Variants in GMDS observed in about 807,000 individuals in gnomAD.
GMDS encodes the protein GDP-mannose 4,6-dehydratase.
Under a neutral mutation model 49.9 loss-of-function variants are expected in GMDS, and 20 were observed. The ratio of observed to expected loss-of-function variants is 0.40; its 90% CI spans 0.28 to 0.58. The LOEUF (loss-of-function observed/expected upper bound fraction) is 0.58, where lower values mean the gene tolerates loss of function less well. Among genes scored for constraint, GMDS ranks in the 20% least tolerant of loss-of-function variants. The pLI is 0.42. For missense variants in GMDS, 362 were observed against 481.4 expected (o/e 0.75, Z 2.32); for synonymous variants, 177 against 178.6 (o/e 0.99, Z 0.07).
chr6:2,242,869 A>C (rs1256931623), intron 1 of GMDS, among the ~76,000 whole-genome samples: 2 of 152,250 alleles, frequency 1.3e-5, no homozygotes, highest in African/African-American at 4.8e-5. Context: ...CAATATTATT[A>C]AGAAAACATA....
intron 1 of GMDS, among the ~76,000 whole-genome samples, chr6:2,180,791 C>T (rs1160308309): frequency 6.6e-6 from 1 of 152,086 alleles, no homozygotes; most frequent in African/African-American, 2.4e-5. Context: ...TGTTTTTAAA[C>T]TGTTAGAACC....
In GMDS at chr6:1,672,999, C is replaced by G. The variant is rs564130176; in HGVS notation, c.988-48459G>C. On this transcript the variant is annotated intron_variant, in intron 9 of 10. Transcript: ENST00000380815. ...CAGCGAGGATTGGGAATTGCGAAGT[C>G]TATACTGTATTTTCAAACAGCATGA... 2.0e-5 allele frequency among the ~76,000 whole-genome samples: 3 copies of G among 152,328 alleles called. No homozygotes were observed. In the South Asian group the frequency reaches 6.2e-4, roughly 32 times the overall value.
At chr6:2,169,025 A>G (rs115918795) in intron 1 of GMDS, among the ~76,000 whole-genome samples, 1 of 152,360 alleles carries the variant, frequency 6.6e-6, no homozygotes, top group African/African-American at 2.4e-5. Flanking sequence ...GAATAAAGAT[A>G]CTAGGATTCA....
chr6:1,943,368 C>T (rs1348170210), intron 6 of GMDS, among the ~76,000 whole-genome samples: 1 of 152,196 alleles, frequency 6.6e-6, no homozygotes, highest in Non-Finnish European at 1.5e-5. Flanking sequence ...TCATTACACT[C>T]CACTGCAATC....
chr6:1,681,119 TAC>T (rs1311302357), intron 9 of GMDS, among the ~76,000 whole-genome samples: 5 of 151,224 alleles, frequency 3.3e-5, no homozygotes, highest in Non-Finnish European at 7.4e-5. Flanking sequence ...CACCTACAAA[TAC>T]ACACACTTAC....
intron 7 of GMDS, among the ~76,000 whole-genome samples, chr6:1,826,897 TA>T (rs34668083): frequency 4.0e-5 from 6 of 150,144 alleles, no homozygotes; most frequent in African/African-American, 9.8e-5. Context: ...TGACACTCTC[TA>T]AAAAAAAAGG....
At chr6:2,166,542 A>T (rs1777679032) in intron 1 of GMDS, among the ~76,000 whole-genome samples, 1 of 152,236 alleles carries the variant, frequency 6.6e-6, no homozygotes, top group Non-Finnish European at 1.5e-5. Context: ...TCTGACTCTG[A>T]ACCCTAGAAC....
chr6:2,212,247 T>G (rs1780094274), intron 1 of GMDS, among the ~76,000 whole-genome samples: 2 of 152,218 alleles, frequency 1.3e-5, no homozygotes, highest in Non-Finnish European at 2.9e-5. Flanking sequence ...CTGCAGTGGC[T>G]CTACTGTTAT....
intron 1 of GMDS, among the ~76,000 whole-genome samples, chr6:2,139,221 C>T (rs1376090294): frequency 1.3e-5 from 2 of 152,028 alleles, no homozygotes; most frequent in African/African-American, 4.8e-5. Context: ...TTAAAACAAA[C>T]ATTTCAATTT....
chr6:1,784,781 A>T (rs1769255373), intron 7 of GMDS, among the ~76,000 whole-genome samples: 1 of 152,252 alleles, frequency 6.6e-6, no homozygotes, highest in Non-Finnish European at 1.5e-5. Context: ...ACCACCCAGC[A>T]GCAAGCTTCC....
chr6:1,873,098 C>T (rs1156805357), intron 7 of GMDS, among the ~76,000 whole-genome samples: 2 of 152,190 alleles, frequency 1.3e-5, no homozygotes, highest in South Asian at 2.1e-4. Context: ...AGGTGGCATT[C>T]GGCAAGTCGC....
intron 7 of GMDS, among the ~76,000 whole-genome samples, chr6:1,904,550 G>A (rs1466227115): frequency 1.3e-5 from 2 of 152,214 alleles, no homozygotes; most frequent in Non-Finnish European, 2.9e-5. Context: ...TTTAACGAAC[G>A]AATTTGTTTC....
intron 1 of GMDS, chr6:2,176,091 G>T: frequency 2.1e-6 from 2 of 935,412 alleles, no homozygotes; most frequent in Non-Finnish European, 3.2e-6. Context: ...CTGACAACAT[G>T]TAATTCTGGT....
chr6:2,012,959 C>T (rs1173751832), intron 4 of GMDS, among the ~76,000 whole-genome samples: 5 of 152,092 alleles, frequency 3.3e-5, no homozygotes, highest in African/African-American at 9.7e-5. Context: ...GAAAATGCTT[C>T]GACAAAGTCT....
chr6:2,164,380 T>C (rs1239272690), intron 1 of GMDS, among the ~76,000 whole-genome samples: 5 of 152,218 alleles, frequency 3.3e-5, no homozygotes, highest in African/African-American at 1.2e-4. Context: ...CTGGAGTTAC[T>C]GGTCTAAAAA....
intron 9 of GMDS, among the ~76,000 whole-genome samples, chr6:1,722,232 A>AATTATTATT (rs1229236299): frequency 5.1e-5 from 2 of 39,298 alleles, no homozygotes; most frequent in African/African-American, 2.3e-4. Flanking sequence ...CTCCCTGGCT[A>AATTATTATT]ATTATTATTA....
intron 1 of GMDS, among the ~76,000 whole-genome samples, chr6:2,216,192 A>G (rs545760632): frequency 1.3e-5 from 2 of 152,246 alleles, no homozygotes; most frequent in Non-Finnish European, 2.9e-5. Context: ...TTTAGATTAA[A>G]TAGTTTTAAA....
chr6:1,657,098 C>T (rs568416731), intron 9 of GMDS, among the ~76,000 whole-genome samples: 120 of 152,268 alleles, frequency 7.9e-4, no homozygotes, highest in Non-Finnish European at 1.3e-3. Flanking sequence ...ACCATTGGCT[C>T]CTTGGGAGCC....
intron 9 of GMDS, among the ~76,000 whole-genome samples, chr6:1,718,991 G>A (rs1037787929): frequency 1.3e-5 from 2 of 152,044 alleles, no homozygotes; most frequent in Admixed American, 1.3e-4. Flanking sequence ...ATGGGGGCAA[G>A]GCATACCTGA....
Sources: gnomAD v4.1 joint callset for allele counts (sites outside exome capture counted in the v4.1 genomes callset) on GRCh38, gnomAD v4.1.1 for gene constraint, MANE v1.5 for transcripts, NCBI Gene and HGNC (gene_info 2026-07-23, HGNC 2026-07-21) for gene names.